The following NTRK2 variants were observed in gnomAD, a reference collection of about 807,000 sequenced individuals.
NTRK2 encodes BDNF/NT-3 growth factors receptor.
Under a neutral mutation model 94.5 loss-of-function variants are expected in NTRK2, and 13 were observed. The ratio of observed to expected loss-of-function variants is 0.14; its 90% CI spans 0.09 to 0.22. NTRK2 has a LOEUF of 0.22. NTRK2 is among the 10% of genes least tolerant of loss of function. The pLI is 1.00. For missense variants in NTRK2, 639 were observed against 1,071.2 expected, an observed-to-expected ratio of 0.60 and a Z score of 5.63; for synonymous variants, 372 against 407.4, an observed-to-expected ratio of 0.91 and a Z score of 1.05.
At chr9:84,796,956 A>G in intron 12 of NTRK2, among the ~76,000 whole-genome samples, 1 of 152,180 alleles carries the variant, frequency 6.6e-6, no homozygotes, top group Non-Finnish European at 1.5e-5. Context: ...ATTCCTTTAT[A>G]TATATGAAAG....
chr9:84,970,802 A>G (rs1826102526), intron 17 of NTRK2, among the ~76,000 whole-genome samples: 1 of 152,238 alleles, frequency 6.6e-6, no homozygotes, highest in Admixed American at 6.5e-5. Flanking sequence ...TAAAGAACCC[A>G]TACTTGCTTC....
intron 12 of NTRK2, among the ~76,000 whole-genome samples, chr9:84,790,171 A>T (rs2133189993): frequency 6.6e-6 from 1 of 152,328 alleles, no homozygotes; most frequent in East Asian, 1.9e-4. Context: ...AGTCAGAAAA[A>T]TGAAGTCAAG....
intron 18 of NTRK2, 63 bp from the exon 19 acceptor site, chr9:85,021,187 ACT>A: frequency 6.9e-7 from 1 of 1,444,810 alleles, no homozygotes; most frequent in East Asian, 2.3e-5. Context: ...GTTTTTTTGC[ACT>A]GACATTTCTT....
Position 84,938,877 on chromosome 9 carries a change from C to A in NTRK2, c.1764+4585C>A, listed in dbSNP as rs565791965. On this transcript the variant is annotated intron_variant, in intron 15 of 18. Coordinates refer to ENST00000277120, the MANE Select transcript of NTRK2 (RefSeq NM_006180.6). ...ACCAGCCTGGGCAACATGATGAAAC[C>A]CCATGTCTACAAAAAATACAAAAAG... 5.3e-5 allele frequency among the ~76,000 whole-genome samples: 8 copies of A among 151,450 alleles called. No individual in the cohort carries two copies. In the East Asian group the frequency reaches 7.8e-4, roughly 15 times the overall value.
intron 2 of NTRK2, among the ~76,000 whole-genome samples, chr9:84,701,322 T>A (rs1406145103): frequency 6.6e-6 from 1 of 152,202 alleles, no homozygotes; most frequent in Non-Finnish European, 1.5e-5. Context: ...GCAGAAAATT[T>A]CCCCATGGAA....
intron 12 of NTRK2, among the ~76,000 whole-genome samples, chr9:84,808,378 T>C (rs1445594084): frequency 6.6e-6 from 1 of 152,220 alleles, no homozygotes; most frequent in African/African-American, 2.4e-5. Flanking sequence ...AAATAAGCCT[T>C]TATACCAGCA....
At chr9:84,723,888 G>T (rs2062248177) in intron 7 of NTRK2, among the ~76,000 whole-genome samples, 179 bp downstream of exon 7, 1 of 152,154 alleles carries the variant, frequency 6.6e-6, no homozygotes, top group African/African-American at 2.4e-5. Context: ...ACTAATGCAG[G>T]CTTGCATTTT....
chr9:84,964,845 T>C (rs1825369616), intron 17 of NTRK2, among the ~76,000 whole-genome samples: 1 of 152,262 alleles, frequency 6.6e-6, no homozygotes, highest in Admixed American at 6.5e-5. Flanking sequence ...ATCATTTCTC[T>C]TGATAATGAA....
At chr9:84,919,570 C>T (rs562381939) in intron 14 of NTRK2, among the ~76,000 whole-genome samples, 2 of 152,284 alleles carry the variant, frequency 1.3e-5, no homozygotes, top group South Asian at 2.1e-4. Context: ...AAGATATTTT[C>T]ACAGCCCATT....
chr9:84,744,080 C>T (rs190571687), intron 10 of NTRK2, among the ~76,000 whole-genome samples: 1 of 152,208 alleles, frequency 6.6e-6, no homozygotes, highest in East Asian at 1.9e-4. Context: ...AGGCAGTGTA[C>T]CTATTTAGAA....
chr9:84,710,699 A>G lies in NTRK2; in HGVS notation c.491A>G (p.Glu164Gly). ...ATTATGTGGATCAAGACTCTCCAAG[A>G]GGCTAAATCCAGTCCAGACACTCAG... is the stretch of plus-strand genomic sequence containing the variant. Reference protein sequence around the residue: ...CDIMWIKTLQEAKSSPDTQDL... With the variant: ...CDIMWIKTLQGAKSSPDTQDL... Residue 164 changes from glutamate to glycine, a missense_variant, in exon 6 of 19, where the codon GAG becomes GGG. Physicochemically the swap from Glu to Gly is moderately conservative, Grantham distance 98. This residue lies in a region of NTRK2 where 206 missense variants were observed against 251.5 expected (regional missense o/e 0.82). Transcript: ENST00000277120. 6.2e-7 allele frequency: 1 copy of G among 1,614,202 alleles called. No individual in the cohort carries two copies. The highest frequency in any genetic ancestry group is 1.1e-5 in the South Asian group (1 of 91,080).
At chr9:84,732,419 C>CT (rs2062955711) in intron 9 of NTRK2, among the ~76,000 whole-genome samples, 1 of 152,196 alleles carries the variant, frequency 6.6e-6, no homozygotes, top group South Asian at 2.1e-4. Flanking sequence ...TGGGCTTTGG[C>CT]TTTTTTTGTT....
chr9:84,837,865 A>G (rs11140780), intron 12 of NTRK2, among the ~76,000 whole-genome samples: 10,343 of 152,250 alleles, frequency 0.068, 487 homozygotes, highest in East Asian at 0.18. Context: ...ATACTTACTG[A>G]TAAAATCTAA....
At chr9:84,808,924 G>A (rs2071428612) in intron 12 of NTRK2, among the ~76,000 whole-genome samples, 1 of 152,174 alleles carries the variant, frequency 6.6e-6, no homozygotes, top group South Asian at 2.1e-4. Context: ...GAGGAAGATG[G>A]AGAGTCTACA....
At chr9:84,783,879 C>T (rs553347069) in intron 12 of NTRK2, among the ~76,000 whole-genome samples, 2 of 152,162 alleles carry the variant, frequency 1.3e-5, no homozygotes, top group South Asian at 4.2e-4. Context: ...ATCCCAAAGA[C>T]TTCGCATGGA....
rs77102408 is a variant in NTRK2 at position 84,828,667 on chromosome 9, A to G, written c.1397-32373A>G. On this transcript the variant is annotated intron_variant, in intron 12 of 18. Transcript: ENST00000277120. ...TAAAAGATTAAAATTTTATTGGTTG[A>G]TTATTTTTGGCAGTAAAGTTCAAAG... is the stretch of plus-strand genomic sequence containing the variant. Among the ~76,000 whole-genome samples the G allele has an allele frequency of 1.8e-3, 280 of 152,294 alleles. 1 individual carries two copies. The highest frequency in any genetic ancestry group is 6.3e-3 in the African/African-American group (262 of 41,560).
At chr9:84,820,773 C>A (rs1471075819) in intron 12 of NTRK2, among the ~76,000 whole-genome samples, 1 of 152,168 alleles carries the variant, frequency 6.6e-6, no homozygotes, top group Non-Finnish European at 1.5e-5. Flanking sequence ...GGTACCTCCA[C>A]AAACCAAGCA....
At chr9:85,007,908 C>T (rs936828560) in intron 17 of NTRK2, among the ~76,000 whole-genome samples, 2 of 152,124 alleles carry the variant, frequency 1.3e-5, no homozygotes, top group Middle Eastern at 3.2e-3. Flanking sequence ...TAAACATTAG[C>T]CACACAGCTA....
At chr9:84,931,639 TGGC>T (rs2078033917) in intron 14 of NTRK2, among the ~76,000 whole-genome samples, 1 of 150,832 alleles carries the variant, frequency 6.6e-6, no homozygotes, top group South Asian at 2.1e-4. Flanking sequence ...ATTGTGGCTT[TGGC>T]CTTAAAAACT....
Sources: allele counts gnomAD v4.1 joint callset (sites outside exome capture counted in the v4.1 genomes callset), GRCh38; gene constraint gnomAD v4.1.1; regional missense constraint gnomAD v4.1.1; transcripts MANE v1.5; gene names NCBI Gene and HGNC (gene_info 2026-07-23, HGNC 2026-07-21).